MAPK6: variants seen among roughly 807,000 people sequenced by gnomAD.
The protein encoded by MAPK6 is ERK-3.
MAPK6 carries 19 observed loss-of-function variants against 59.3 expected under a neutral mutation model. The observed-to-expected ratio is 0.32, with a 90% CI of 0.22 to 0.47. MAPK6 has a LOEUF of 0.47. Ranked by LOEUF, MAPK6 falls within the 20% of genes least tolerant of loss-of-function variation. The probability of loss-of-function intolerance (pLI) is 1.00; values close to 1 mark genes in which losing one functional copy is unlikely to be tolerated. For missense variants in MAPK6, 724 were observed against 847.9 expected (o/e 0.85, Z 1.81); for synonymous variants, 316 against 290.3 (o/e 1.09, Z -0.90).
intron 1 of MAPK6, among the ~76,000 whole-genome samples, chr15:52,025,095 G>T (rs576775101): frequency 6.6e-6 from 1 of 151,952 alleles, no homozygotes; most frequent in African/African-American, 2.4e-5. Flanking sequence ...AATAAAATTA[G>T]CCTGTTGTAG....
chr15:52,015,375 G>C (rs1433621648), upstream of MAPK6, among the ~76,000 whole-genome samples: 1 of 152,080 alleles, frequency 6.6e-6, no homozygotes, highest in Non-Finnish European at 1.5e-5. Flanking sequence ...CTGAACTACT[G>C]ACCTCAGGTG....
intron 1 of MAPK6, among the ~76,000 whole-genome samples, chr15:52,034,630 CCTTCACTTTT>C (rs767234543): frequency 3.3e-5 from 5 of 151,886 alleles, no homozygotes; most frequent in African/African-American, 4.8e-5. Flanking sequence ...TCTCTTCCTT[CCTTCACTTTT>C]CTTCACTTTT....
chr15:51,978,695 A>C (rs1308967768), intron 1 of MAPK6, among the ~76,000 whole-genome samples: 1 of 151,868 alleles, frequency 6.6e-6, no homozygotes, highest in Non-Finnish European at 1.5e-5. Flanking sequence ...AAACTTTTAA[A>C]AGAAAACAAT....
At chr15:52,029,892 C>A (rs1649202391) in intron 1 of MAPK6, among the ~76,000 whole-genome samples, 1 of 152,202 alleles carries the variant, frequency 6.6e-6, no homozygotes, top group South Asian at 2.1e-4. Flanking sequence ...ATTCTTCTCC[C>A]AGTAACAAGA....
At chr15:52,032,998 T>C (rs2031099342) in intron 1 of MAPK6, among the ~76,000 whole-genome samples, 1 of 152,130 alleles carries the variant, frequency 6.6e-6, no homozygotes, top group Non-Finnish European at 1.5e-5. Flanking sequence ...TTTTTTTTAA[T>C]GGAGACAGGG....
At chr15:52,052,459 A>AT (rs955509082) in intron 3 of MAPK6, among the ~76,000 whole-genome samples, 1 of 152,188 alleles carries the variant, frequency 6.6e-6, no homozygotes, top group African/African-American at 2.4e-5. Context: ...ATAGTTCCAT[A>AT]TTTTTTAGTA....
intron 1 of MAPK6, among the ~76,000 whole-genome samples, chr15:52,021,850 C>G (rs1189575067): frequency 6.6e-6 from 1 of 151,816 alleles, no homozygotes; most frequent in African/African-American, 2.4e-5. Context: ...TTAATAAAGA[C>G]AATTTGAAAT....
chr15:52,032,820 G>T (rs2031091887), intron 1 of MAPK6, among the ~76,000 whole-genome samples: 1 of 152,194 alleles, frequency 6.6e-6, no homozygotes, highest in Non-Finnish European at 1.5e-5. Flanking sequence ...TAGCAGCTGG[G>T]ATTACAGGCA....
chr15:51,971,923 A>G, intron 1 of MAPK6: 1 of 620,868 alleles, frequency 1.6e-6, no homozygotes, highest in Non-Finnish European at 2.9e-6. Context: ...ATGGTATATA[A>G]GCCCGGCCAT....
intron 1 of MAPK6, among the ~76,000 whole-genome samples, chr15:52,032,618 T>C (rs932499216): frequency 2.0e-5 from 3 of 152,232 alleles, no homozygotes; most frequent in African/African-American, 7.2e-5. Flanking sequence ...AAAAGACTTC[T>C]TTTAGCATTT....
At position 52,044,791 on chromosome 15, in the gene MAPK6, A is replaced by G. The variant is rs111576674; in HGVS notation, c.-631-1039A>G. ...CTTCATATACATACCACCCAGCTCT[A>G]TAAGATTCTAGTAATCTGCCATGTT... On this transcript the variant is annotated intron_variant, in intron 1 of 5. Transcript: ENST00000261845. Among the ~76,000 whole-genome samples, 106 of 152,266 alleles carry G rather than the reference A, an allele frequency of 7.0e-4. 5 individuals are homozygous for G. The highest frequency in any genetic ancestry group is 1.9e-3 in the South Asian group (9 of 4,828).
At chr15:52,059,965 A>G (rs1408676339) in intron 4 of MAPK6, among the ~76,000 whole-genome samples, 1 of 152,254 alleles carries the variant, frequency 6.6e-6, no homozygotes, top group Non-Finnish European at 1.5e-5. Flanking sequence ...TTTGAAGGAA[A>G]AAAGCAAACA....
chr15:51,981,939 A>G (rs1454406096), intron 1 of MAPK6, among the ~76,000 whole-genome samples: 1 of 152,208 alleles, frequency 6.6e-6, no homozygotes, highest in East Asian at 1.9e-4. Context: ...TACAAAGGGA[A>G]AGGAGTGACA....
chr15:51,996,459 A>ATG (rs2057224439), intron 2 of MAPK6, among the ~76,000 whole-genome samples: 6 of 151,268 alleles, frequency 4.0e-5, no homozygotes, highest in Non-Finnish European at 8.8e-5. Context: ...GCAGTGGTGC[A>ATG]ATCTTGGCTC....
intron 2 of MAPK6, among the ~76,000 whole-genome samples, chr15:51,988,064 T>C (rs896157944): frequency 4.6e-5 from 7 of 152,106 alleles, no homozygotes; most frequent in African/African-American, 1.7e-4. Context: ...CATAGTACTA[T>C]GTAAACTGTT....
intron 1 of MAPK6, among the ~76,000 whole-genome samples, chr15:52,025,670 G>A (rs910634267): frequency 2.8e-4 from 43 of 152,180 alleles, no homozygotes; most frequent in Middle Eastern, 6.8e-3. Context: ...GGTGGCGGGC[G>A]CCTGTAGTCC....
intron 3 of MAPK6, chr15:52,057,275 A>G (rs955417600): frequency 1.3e-5 from 2 of 151,630 alleles, no homozygotes; most frequent in African/African-American, 4.9e-5. Context: ...GACAAGGTAG[A>G]TCATGTCATC....
intron 4 of MAPK6, among the ~76,000 whole-genome samples, chr15:52,059,604 T>G (rs2032118505): frequency 1.3e-5 from 2 of 152,340 alleles, no homozygotes; most frequent in South Asian, 4.1e-4. Context: ...AAGAGGACGG[T>G]GCTGTTGAAG....
At chr15:52,040,084 A>G (rs966642992) in intron 1 of MAPK6, among the ~76,000 whole-genome samples, 1 of 152,202 alleles carries the variant, frequency 6.6e-6, no homozygotes. Flanking sequence ...CTTTGTCAAA[A>G]ATGCAGTGAG....
Sources: allele counts gnomAD v4.1 joint callset (sites outside exome capture counted in the v4.1 genomes callset), GRCh38; gene constraint gnomAD v4.1.1; transcripts MANE v1.5; gene names NCBI Gene and HGNC (gene_info 2026-07-23, HGNC 2026-07-21).